LOC400499: variants seen among roughly 807,000 people sequenced by gnomAD.
chr16:11,503,597 T>G, the LOC400499 span, among the ~76,000 whole-genome samples: 1 of 152,268 alleles, frequency 6.6e-6, no homozygotes, highest in South Asian at 2.1e-4. Flanking sequence ...TGGGCCTCCC[T>G]GCTGTGTGTG....
the LOC400499 span, among the ~76,000 whole-genome samples, chr16:11,389,402 C>A: frequency 5.9e-5 from 9 of 152,168 alleles, no homozygotes; most frequent in Admixed American, 5.9e-4. Context: ...ACAAAACAGG[C>A]CAGGTGCAGT....
chr16:11,435,552 AG>A, the LOC400499 span: 2 of 397,970 alleles, frequency 5.0e-6, no homozygotes, highest in Admixed American at 4.4e-5. Flanking sequence ...GCGTGGTCTC[AG>A]GGGAACAGAA....
chr16:11,496,523 G>A, the LOC400499 span, among the ~76,000 whole-genome samples: 5 of 152,140 alleles, frequency 3.3e-5, no homozygotes, highest in Middle Eastern at 3.2e-3. Flanking sequence ...GGGTGTGTAC[G>A]TTCCCACTTG....
the LOC400499 span, chr16:11,494,486 C>T: frequency 8.7e-6 from 3 of 343,980 alleles, no homozygotes; most frequent in East Asian, 8.6e-5. Context: ...GGGAACCCAC[C>T]CCCACCCTCT....
the LOC400499 span, chr16:11,508,909 C>A: frequency 5.0e-6 from 2 of 398,682 alleles, no homozygotes; most frequent in Non-Finnish European, 8.9e-6. Flanking sequence ...CCAGAGTGAG[C>A]TAGAAAGCCC....
At chr16:11,383,513 G>A in the LOC400499 span, 1 of 1,043,692 alleles carries the variant, frequency 9.6e-7, no homozygotes, top group Non-Finnish European at 1.2e-6. Flanking sequence ...CTTAATAAAT[G>A]TTGTGACTCT....
chr16:11,518,982 A>G, the LOC400499 span: 3 of 398,876 alleles, frequency 7.5e-6, no homozygotes, highest in Non-Finnish European at 1.3e-5. Context: ...TGAAGCACAA[A>G]GCACCGTGAG....
the LOC400499 span, among the ~76,000 whole-genome samples, chr16:11,452,855 T>A: frequency 0.77 from 117,596 of 152,172 alleles, 45,537 homozygotes; most frequent in South Asian, 0.83. Context: ...AACTCTTCAA[T>A]TTCAGAAGAT....
the LOC400499 span, chr16:11,460,717 C>G: frequency 1.3e-5 from 18 of 1,411,228 alleles, no homozygotes; most frequent in Non-Finnish European, 1.6e-5. Flanking sequence ...CCACACCCCC[C>G]ATGCTTTGCT....
chr16:11,381,099 G>C, the LOC400499 span: 1 of 152,132 alleles, frequency 6.6e-6, no homozygotes, highest in Non-Finnish European at 1.5e-5. Context: ...TGGCCATTTG[G>C]ATGTTCAACC....
the LOC400499 span, among the ~76,000 whole-genome samples, chr16:11,507,917 G>C: frequency 3.9e-5 from 6 of 152,030 alleles, no homozygotes; most frequent in Non-Finnish European, 8.8e-5. Context: ...CTGGGCAACA[G>C]AATGAGACCC....
At chr16:11,463,191 T>G in the LOC400499 span, among the ~76,000 whole-genome samples, 1 of 152,156 alleles carries the variant, frequency 6.6e-6, no homozygotes, top group South Asian at 2.1e-4. Flanking sequence ...GAAGATTCTC[T>G]GGAAAAGTCA....
At chr16:11,448,047 C>T in the LOC400499 span, 81 of 1,535,624 alleles carry the variant, frequency 5.3e-5, no homozygotes, top group Non-Finnish European at 6.6e-5. Context: ...TCCGCACAGC[C>T]GTGAGCGACA....
the LOC400499 span, chr16:11,462,352 C>G: frequency 2.1e-6 from 3 of 1,415,596 alleles, no homozygotes; most frequent in East Asian, 7.9e-5. Flanking sequence ...GCCAGCAGGC[C>G]CAGCCCTTAC....
the LOC400499 span, among the ~76,000 whole-genome samples, chr16:11,455,265 G>A: frequency 3.3e-5 from 5 of 152,178 alleles, no homozygotes; most frequent in African/African-American, 1.2e-4. Context: ...ATATGTATTT[G>A]AAAGGGGCAC....
At chr16:11,457,687 GA>G in the LOC400499 span, among the ~76,000 whole-genome samples, 3 of 151,320 alleles carry the variant, frequency 2.0e-5, no homozygotes, top group East Asian at 5.8e-4. Flanking sequence ...GCAATAGAAA[GA>G]ATCGAAAGCA....
the LOC400499 span, among the ~76,000 whole-genome samples, chr16:11,447,341 A>C: frequency 6.6e-6 from 1 of 152,324 alleles, no homozygotes; most frequent in East Asian, 1.9e-4. Context: ...TCAGGGTTAG[A>C]GATAACATAC....
chr16:11,524,798 G>A, the LOC400499 span, among the ~76,000 whole-genome samples: 11 of 143,514 alleles, frequency 7.7e-5, no homozygotes, highest in Non-Finnish European at 1.4e-4. Flanking sequence ...TTCAAACCTC[G>A]TTTCCCCTTC....
At chr16:11,455,736 A>C in the LOC400499 span, among the ~76,000 whole-genome samples, 3 of 108,652 alleles carry the variant, frequency 2.8e-5, no homozygotes, top group African/African-American at 1.1e-4. Context: ...CTCCGTCTCA[A>C]AAAAGAAAAA....
Sources: gnomAD v4.1 joint callset for allele counts (sites outside exome capture counted in the v4.1 genomes callset) on GRCh38, gnomAD v4.1.1 for gene constraint, MANE v1.5 for transcripts.